The following ADAMTS2 variants were observed in gnomAD, a reference collection of about 807,000 sequenced individuals.
The protein encoded by ADAMTS2 is A disintegrin and metalloproteinase with thrombospondin motifs 2.
ADAMTS2 carries 50 observed loss-of-function variants against 123.0 expected under a neutral mutation model. That is an observed-to-expected ratio of 0.41 (90% CI 0.32 to 0.51). The LOEUF is 0.51. Ranked by LOEUF, ADAMTS2 falls within the 20% of genes least tolerant of loss-of-function variation. The pLI, the probability that ADAMTS2 is intolerant of heterozygous loss-of-function variation, is 0.35. For missense variants in ADAMTS2, 1,494 were observed against 1,705.2 expected (o/e 0.88, Z 2.18); for synonymous variants, 678 against 695.4 (o/e 0.98, Z 0.39).
intron 2 of ADAMTS2, among the ~76,000 whole-genome samples, chr5:179,274,804 T>A (rs578159742): frequency 6.6e-6 from 1 of 152,352 alleles, no homozygotes; most frequent in East Asian, 1.9e-4. Flanking sequence ...GGGAAGCTGA[T>A]GTGCCAGGCA....
At position 179,134,680 on chromosome 5, in the gene ADAMTS2, C is replaced by T. The variant is rs184142052; in HGVS notation, c.2085+1229G>A. ...GTATAGCCCAGCCTCCCGGCCCTGC[C>T]GAAGTCACAGGAGCAAATGCAGAGC... On this transcript the variant is annotated intron_variant, in intron 13 of 21. Coordinates refer to ENST00000251582, the MANE Select transcript of ADAMTS2 (RefSeq NM_014244.5). Among the ~76,000 whole-genome samples, 101 of 152,298 alleles carry T rather than the reference C, an allele frequency of 6.6e-4. 1 individual carries two copies. The highest frequency in any genetic ancestry group is 1.5e-3 in the East Asian group (8 of 5,186).
chr5:179,137,702 GC>G, intron 12 of ADAMTS2, 66 bp downstream of exon 12: 1 of 1,510,858 alleles, frequency 6.6e-7, no homozygotes, highest in Non-Finnish European at 8.9e-7. Flanking sequence ...AGAGGCACAA[GC>G]CCCCACCCTG....
chr5:179,313,234 G>A (rs577063949), intron 2 of ADAMTS2, among the ~76,000 whole-genome samples: 3 of 142,012 alleles, frequency 2.1e-5, no homozygotes, highest in African/African-American at 7.9e-5. Flanking sequence ...CGAGACAGAG[G>A]AGGGCCTGGC....
At chr5:179,171,521 A>AC (rs147422231) in intron 5 of ADAMTS2, among the ~76,000 whole-genome samples, 14,628 of 151,748 alleles carry the variant, frequency 0.096, 934 homozygotes, top group Non-Finnish European at 0.13. Context: ...ACAGCCCAGA[A>AC]CCCCCCAGAG....
intron 2 of ADAMTS2, among the ~76,000 whole-genome samples, chr5:179,337,023 T>C (rs562097095): frequency 6.6e-6 from 1 of 152,198 alleles, no homozygotes; most frequent in Admixed American, 6.5e-5. Flanking sequence ...TGCAGTGTAA[T>C]TGAAATTCAT....
intron 1 of ADAMTS2, 103 bp from the exon 2 acceptor site, chr5:179,344,264 G>A (rs1310119749): frequency 2.1e-6 from 3 of 1,426,734 alleles, no homozygotes; most frequent in East Asian, 2.5e-5. Flanking sequence ...CCACTGCGAA[G>A]GGAAGGGGCA....
At chr5:179,173,996 G>A (rs1561789738) in intron 5 of ADAMTS2, among the ~76,000 whole-genome samples, 1 of 137,188 alleles carries the variant, frequency 7.3e-6, no homozygotes, top group Non-Finnish European at 1.5e-5. Context: ...CTGGGCAACA[G>A]AGCAAGACTC....
Position 179,180,417 on chromosome 5 carries a change from T to A in ADAMTS2, c.975+655A>T, listed in dbSNP as rs1007159776. Among the ~76,000 whole-genome samples the A allele has an allele frequency of 2.0e-5, 3 of 152,228 alleles. No individual in the cohort carries two copies. Among genetic ancestry groups the A allele is most frequent in the Non-Finnish European group, 4.4e-5 (3 of 68,038 alleles). On this transcript the variant is annotated intron_variant, in intron 5 of 21. Coordinates refer to ENST00000251582, the MANE Select transcript of ADAMTS2 (RefSeq NM_014244.5). The surrounding 1 kb of genome is among the most constrained non-coding windows in gnomAD (Gnocchi z 4.6). Reference sequence around the variant, plus strand: ...GGGGCAGAAGTCCAAGGGAGGGTCGTGTTAACCACGTGTTTCTGATGCTTT... The same window carrying A: ...GGGGCAGAAGTCCAAGGGAGGGTCGAGTTAACCACGTGTTTCTGATGCTTT...
At chr5:179,267,783 G>A (rs1350397850) in intron 3 of ADAMTS2, among the ~76,000 whole-genome samples, 1 of 152,100 alleles carries the variant, frequency 6.6e-6, no homozygotes, top group Non-Finnish European at 1.5e-5. Context: ...TGATGTGGAG[G>A]CTTCTGTGGA....
chr5:179,301,369 TG>T (rs2113560044), intron 2 of ADAMTS2, among the ~76,000 whole-genome samples: 1 of 152,330 alleles, frequency 6.6e-6, no homozygotes, highest in African/African-American at 2.4e-5. Context: ...TTTACAGAGT[TG>T]TCAAGGGATT....
chr5:179,153,933 A>C, intron 8 of ADAMTS2, 116 bp downstream of exon 8: 1 of 1,407,810 alleles, frequency 7.1e-7, no homozygotes, highest in Admixed American at 2.0e-5. Flanking sequence ...CCCGCACACA[A>C]GCTTAGAGGA....
chr5:179,139,303 C>T (rs3797594), intron 11 of ADAMTS2, among the ~76,000 whole-genome samples: 31,599 of 151,194 alleles, frequency 0.21, 3,499 homozygotes, highest in Non-Finnish European at 0.25. Context: ...GGAGGGAGCA[C>T]GGGCCCGGGA....
At chr5:179,271,720 A>G (rs1766539440) in intron 3 of ADAMTS2, among the ~76,000 whole-genome samples, 1 of 152,258 alleles carries the variant, frequency 6.6e-6, no homozygotes, top group African/African-American at 2.4e-5. Context: ...GATTGGCTCC[A>G]GAGTACATTG....
In ADAMTS2 at chr5:179,228,709, C is replaced by T. The variant is rs531166706; in HGVS notation, c.689-20994G>A. 6.6e-6 allele frequency among the ~76,000 whole-genome samples: 1 copy of T among 152,366 alleles called. No homozygotes were observed. The highest frequency in any genetic ancestry group is 2.4e-5 in the African/African-American group (1 of 41,588). On this transcript the variant is annotated intron_variant, in intron 3 of 21. Coordinates refer to ENST00000251582, the MANE Select transcript of ADAMTS2 (RefSeq NM_014244.5). The surrounding 1 kb of genome is among the most constrained non-coding windows in gnomAD (Gnocchi z 5.2). ...AAGGCAGGCAGAACACTAACCAAAG[C>T]CAGCGGACATCCACTGCCTGCGGAG...
rs1002262240 is a variant in ADAMTS2, at chr5:179,228,654, T to C, written c.689-20939A>G. 4.6e-5 allele frequency among the ~76,000 whole-genome samples: 7 copies of C among 152,230 alleles called. No individual in the cohort carries two copies. The highest frequency in any genetic ancestry group is 8.8e-5 in the Non-Finnish European group (6 of 68,044). ...GTGCCCCCAGCCCCAGAACCCACCA[T>C]GCGCGGCTGGGCCGACTGTGCCTGC... On this transcript the variant is annotated intron_variant, in intron 3 of 21. Coordinates refer to ENST00000251582, the MANE Select transcript of ADAMTS2 (RefSeq NM_014244.5). This position sits in a 1 kb window ranked among gnomAD's most constrained non-coding sequence, Gnocchi z 5.2.
intron 3 of ADAMTS2, among the ~76,000 whole-genome samples, chr5:179,231,843 A>G: frequency 6.6e-6 from 1 of 151,580 alleles, no homozygotes; most frequent in Non-Finnish European, 1.5e-5. Context: ...TGAGTACCAG[A>G]GTTAGAGGCT....
At chr5:179,204,286 A>G (rs2431436) in intron 4 of ADAMTS2, among the ~76,000 whole-genome samples, 81,974 of 126,782 alleles carry the variant, frequency 0.65, 23,358 homozygotes, top group African/African-American at 0.75. Flanking sequence ...GCCCAGCCAC[A>G]TGAATGTGCT....
intron 3 of ADAMTS2, among the ~76,000 whole-genome samples, chr5:179,271,774 G>T (rs923009961): frequency 2.0e-5 from 3 of 152,212 alleles, no homozygotes; most frequent in Admixed American, 2.0e-4. Flanking sequence ...ATCTGATGCC[G>T]TTTCATGAAA....
intron 10 of ADAMTS2, among the ~76,000 whole-genome samples, chr5:179,150,105 A>G (rs978646040): frequency 6.2e-5 from 9 of 145,272 alleles, no homozygotes; most frequent in African/African-American, 2.2e-4. Flanking sequence ...ACACACACAC[A>G]TATGGGGGCC....
Sources: allele counts gnomAD v4.1 joint callset (sites outside exome capture counted in the v4.1 genomes callset), GRCh38; gene constraint gnomAD v4.1.1; non-coding constraint Gnocchi (gnomAD v3.1); transcripts MANE v1.5; gene names NCBI Gene and HGNC (gene_info 2026-07-23, HGNC 2026-07-21).